TDP2: variants seen among roughly 807,000 people sequenced by gnomAD.
TDP2 encodes tyrosyl-DNA phosphodiesterase 2, also known as 5'-Tyr-DNA phosphodiesterase.
A neutral mutation model predicts 42.8 loss-of-function variants in TDP2; 38 were observed. That is an observed-to-expected ratio of 0.89 (90% CI 0.68 to 1.16). The LOEUF is 1.16. TDP2 is among the 50% of genes most tolerant of loss of function. TDP2 has a pLI of 0.00. For synonymous variants in TDP2, 173 were observed against 150.6 expected (o/e 1.15, Z -1.09); for missense variants, 439 against 439.3 (o/e 1.00, Z 0.01).
intron 4 of TDP2, among the ~76,000 whole-genome samples, chr6:24,656,176 A>G (rs1229522535): frequency 6.6e-6 from 1 of 152,188 alleles, no homozygotes; most frequent in Non-Finnish European, 1.5e-5. Context: ...ATAAACCAAG[A>G]AAAGTGTGCC....
chr6:24,666,378 A>T, intron 2 of TDP2, 148 bp downstream of exon 2: 9 of 1,409,076 alleles, frequency 6.4e-6, no homozygotes, highest in South Asian at 2.5e-5. Context: ...CAGCAGCAGC[A>T]ACGCAAGCCC....
Position 24,654,450 on chromosome 6 carries a change from G to T in TDP2, c.598C>A (p.Pro200Thr). The T allele has an allele frequency of 6.3e-7, 1 of 1,580,322 alleles. No individual in the cohort carries two copies. The highest frequency in any genetic ancestry group is 8.6e-7 in the Non-Finnish European group (1 of 1,159,280). Reference protein sequence around the residue: ...KLKSQEIIPFPSTKMMRNLLC... With the variant: ...KLKSQEIIPFTSTKMMRNLLC... Reference sequence around the variant, plus strand: ...AGGTTTCTCATCATTTTGGTACTTGGAAAAGGAATAATCTCTTGGCTTTTT... The same window carrying T: ...AGGTTTCTCATCATTTTGGTACTTGTAAAAGGAATAATCTCTTGGCTTTTT... Residue 200 changes from proline to threonine, a missense_variant, in exon 5 of 7, where the codon CCA becomes ACA. Transcript: ENST00000378198.
rs746383136 is a variant in TDP2 at position 24,658,716 on chromosome 6, T to A, written c.270A>T (p.Glu90Asp). 3.1e-6 allele frequency: 5 copies of A among 1,613,658 alleles called. No homozygotes were observed. The highest frequency in any genetic ancestry group is 4.2e-6 in the Non-Finnish European group (5 of 1,179,788). Residue 90 changes from glutamate (E) to aspartate (D), a missense_variant, in exon 3 of 7, where the codon GAA (glutamate) becomes GAT (aspartate). Transcript: ENST00000378198. ...TAGAAGTGGTGGAATCAGTTGTTTC[T>A]TCATTGGTTAGGTCAACACTGGCAA... ...EPKTYVDLTN[E>D]ETTDSTTSKI...
At chr6:24,660,495 G>A (rs1046412385) in intron 2 of TDP2, among the ~76,000 whole-genome samples, 2 of 152,088 alleles carry the variant, frequency 1.3e-5, no homozygotes, top group Non-Finnish European at 2.9e-5. Flanking sequence ...ATATAGAAAA[G>A]GTATAGCAAA....
In TDP2 at chr6:24,653,089, G is replaced by A. The variant is rs752837935; in HGVS notation, c.701C>T (p.Ala234Val). 6.2e-7 allele frequency: 1 copy of A among 1,614,102 alleles called. No individual in the cohort carries two copies. Among genetic ancestry groups the A allele is most frequent in the Non-Finnish European group, 8.5e-7 (1 of 1,180,008 alleles). The change falls in exon 6 of 7, where the codon GCT (alanine) becomes GTT (valine). Residue 234 changes from alanine (A) to valine (V), a missense_variant. Physicochemically the swap from Ala to Val is moderately conservative, Grantham distance 64. Transcript: ENST00000378198. ...TTTTAACTGATTCATTCGTTCCGCAGCATGCCCTCTGGTGCTCTCCAAATG... is the reference window on the plus strand; with the variant it reads ...TTTTAACTGATTCATTCGTTCCGCAACATGCCCTCTGGTGCTCTCCAAATG... The part of the protein sequence containing the change: ...TSHLESTRGH[A>V]AERMNQLKMV...
chr6:24,654,779 G>T (rs1038180068), intron 4 of TDP2, among the ~76,000 whole-genome samples: 2 of 152,318 alleles, frequency 1.3e-5, no homozygotes, highest in Non-Finnish European at 2.9e-5. Context: ...AGTGGCTCAT[G>T]CCTGTAATCC....
At chr6:24,660,571 T>G (rs893980541) in intron 2 of TDP2, among the ~76,000 whole-genome samples, 4 of 152,164 alleles carry the variant, frequency 2.6e-5, no homozygotes, top group Non-Finnish European at 5.9e-5. Flanking sequence ...AGAGATGTGG[T>G]TATGTGGTGC....
intron 5 of TDP2, 40 bp downstream of exon 5, chr6:24,654,372 C>G: frequency 2.8e-6 from 3 of 1,073,172 alleles, no homozygotes; most frequent in Non-Finnish European, 4.1e-6. Context: ...ATGAAAAAAT[C>G]TTTTTTTTAT....
chr6:24,666,253 T>C, intron 2 of TDP2: 1 of 1,543,268 alleles, frequency 6.5e-7, no homozygotes, highest in African/African-American at 1.4e-5. Context: ...CTTACTTATT[T>C]CCTTTCATTT....
At chr6:24,666,486 G>C in intron 2 of TDP2, 40 bp downstream of exon 2, 3 of 1,597,928 alleles carry the variant, frequency 1.9e-6, no homozygotes, top group Non-Finnish European at 2.6e-6. Context: ...GTATCAAACT[G>C]CCTCCGTGCG....
intron 2 of TDP2, among the ~76,000 whole-genome samples, chr6:24,662,201 G>C (rs1778160209): frequency 6.6e-6 from 1 of 152,026 alleles, no homozygotes; most frequent in African/African-American, 2.4e-5. Context: ...CTCATGAGAA[G>C]AGAAAGATCT....
chr6:24,655,167 G>C, intron 4 of TDP2, among the ~76,000 whole-genome samples: 1 of 152,222 alleles, frequency 6.6e-6, no homozygotes, highest in East Asian at 1.9e-4. Flanking sequence ...ACTGTGGCCA[G>C]CTGATAGCCA....
intron 2 of TDP2, among the ~76,000 whole-genome samples, chr6:24,660,753 T>C (rs531798675): frequency 2.6e-5 from 4 of 152,386 alleles, no homozygotes; most frequent in African/African-American, 7.2e-5. Context: ...TTAGATGGCA[T>C]GTCTCTTTTA....
In TDP2 at chr6:24,662,716, G is replaced by A. The variant is rs189921201; in HGVS notation, c.251+3810C>T. ...TTCTTCCTCTATACTTTGTCTCTCC[G>A]TCTTATTTATTTTCTCAGTCTCTCG... On this transcript the variant is annotated intron_variant, in intron 2 of 6. Transcript: ENST00000378198. 3.3e-4 allele frequency among the ~76,000 whole-genome samples: 50 copies of A among 152,218 alleles called. 1 individual carries two copies. Among genetic ancestry groups the A allele is most frequent in the Middle Eastern group, 6.8e-3 (2 of 294 alleles).
intron 2 of TDP2, among the ~76,000 whole-genome samples, chr6:24,662,635 G>GA (rs1778169917): frequency 6.6e-6 from 1 of 151,664 alleles, no homozygotes. Context: ...GGAACTCAGA[G>GA]ACCAGTGCCC....
intron 1 of TDP2, 39 bp downstream of exon 1, chr6:24,666,659 T>C (rs1372886586): frequency 6.2e-7 from 1 of 1,614,032 alleles, no homozygotes; most frequent in South Asian, 1.1e-5. Flanking sequence ...TCCACCGACC[T>C]AGGTAATGGA....
At chr6:24,659,381 A>C (rs1192605840) in intron 2 of TDP2, among the ~76,000 whole-genome samples, 1 of 152,200 alleles carries the variant, frequency 6.6e-6, no homozygotes, top group African/African-American at 2.4e-5. Context: ...AACCTAGGGC[A>C]CATGTCCACA....
intron 2 of TDP2, among the ~76,000 whole-genome samples, chr6:24,664,235 C>G (rs975467517): frequency 4.0e-5 from 6 of 151,548 alleles, no homozygotes; most frequent in Admixed American, 3.3e-4. Context: ...GTAGCAGTGG[C>G]ACGCTGCTGG....
intron 4 of TDP2, 114 bp downstream of exon 4, chr6:24,657,696 CAA>C (rs1778079192): frequency 4.2e-6 from 2 of 473,200 alleles, no homozygotes; most frequent in Non-Finnish European, 3.8e-6. Context: ...TTATTTTTCT[CAA>C]ACTTATTTAT....
Sources: allele counts gnomAD v4.1 joint callset (sites outside exome capture counted in the v4.1 genomes callset), GRCh38; gene constraint gnomAD v4.1.1; transcripts MANE v1.5; gene names NCBI Gene and HGNC (gene_info 2026-07-23, HGNC 2026-07-21).